RYR1: variants seen among roughly 807,000 people sequenced by gnomAD.
RYR1 encodes central core disease of muscle.
In RYR1, 342 loss-of-function variants were observed where a neutral mutation model predicts 583.5. The ratio of observed to expected loss-of-function variants is 0.59; its 90% CI spans 0.54 to 0.64. The LOEUF (loss-of-function observed/expected upper bound fraction) is 0.64, where lower values mean the gene tolerates loss of function less well. Among genes scored for constraint, RYR1 ranks in the 30% least tolerant of loss-of-function variants. The probability of loss-of-function intolerance (pLI) is 0.00; values close to 1 mark genes in which losing one functional copy is unlikely to be tolerated. For synonymous variants in RYR1, 2,791 were observed against 2,822.5 expected, an observed-to-expected ratio of 0.99 and a Z score of 0.35; for missense variants, 6,032 against 6,917.2, an observed-to-expected ratio of 0.87 and a Z score of 4.54.
chr19:38,502,998 A>T, intron 49 of RYR1, 28 bp downstream of exon 49: 1 of 1,599,582 alleles, frequency 6.3e-7, no homozygotes, highest in South Asian at 1.1e-5. Flanking sequence ...TTAGCATCTC[A>T]TTTCCAGGCC....
chr19:38,557,619 C>T (rs940467561), intron 89 of RYR1, among the ~76,000 whole-genome samples: 8 of 152,064 alleles, frequency 5.3e-5, no homozygotes, highest in African/African-American at 1.7e-4. Flanking sequence ...GGCAACATGG[C>T]GAAACCAAAC....
chr19:38,517,939 C>G lies in RYR1; in HGVS notation c.10018+248C>G, dbSNP rs180917580. ...TAGGTAACATAGCACGACCCCATCT[C>G]TTTAAAAAACAAAACAAAACTTTTT... On this transcript the variant is annotated intron_variant, in intron 66 of 105. Transcript: ENST00000359596. Among the ~76,000 whole-genome samples, 366 of 152,272 alleles carry G rather than the reference C, an allele frequency of 2.4e-3. 2 individuals are homozygous for G. The highest frequency in any genetic ancestry group is 7.6e-3 in the Admixed American group (116 of 15,282).
rs1211008134 is a variant in RYR1, at chr19:38,443,787, G to A, written c.415G>A (p.Asp139Asn). 6.2e-7 allele frequency: 1 copy of A among 1,614,036 alleles called. No individual in the cohort carries two copies. Among genetic ancestry groups the A allele is most frequent in the South Asian group, 1.1e-5 (1 of 91,092 alleles). ...GGCCTTCGATGTGGGACTGCAGGAG[G>A]ACGCAACAGGTGCAGCAGCTGGAGG... ...KLAFDVGLQE[D>N]ATGEACWWTM... is the part of the protein sequence containing the mutation. The change falls in exon 5 of 106, where the codon GAC becomes AAC. Residue 139 changes from aspartate to asparagine, a missense_variant. Coordinates refer to ENST00000359596, the MANE Select transcript of RYR1 (RefSeq NM_000540.3).
intron 47 of RYR1, among the ~76,000 whole-genome samples, chr19:38,501,993 A>T (rs1970143158): frequency 6.6e-6 from 1 of 151,440 alleles, no homozygotes; most frequent in Non-Finnish European, 1.5e-5. Context: ...CTCAGAAAAA[A>T]AAAAGAAAAA....
At position 38,469,191 on chromosome 19, in the gene RYR1, C is replaced by T. The variant is rs187986741; in HGVS notation, c.3556+51C>T. The T allele has an allele frequency of 1.6e-3, 2,656 of 1,611,144 alleles. 22 individuals are homozygous for T. In the Middle Eastern group the frequency reaches 0.038, roughly 23 times the overall value. On this transcript the variant is annotated intron_variant, in intron 26 of 105. Coordinates refer to ENST00000359596, the MANE Select transcript of RYR1 (RefSeq NM_000540.3). ...CCCTTTCTTGTTTTCCTCTGTCTCT[C>T]CCAACCCTGCACTGCCCTTCTGCCT...
At chr19:38,539,908 CAATTT>C (rs1481420456) in intron 84 of RYR1, among the ~76,000 whole-genome samples, 3 of 133,910 alleles carry the variant, frequency 2.2e-5, no homozygotes, top group Admixed American at 1.5e-4. Flanking sequence ...TAAATTAACA[CAATTT>C]AATTTAACAA....
At chr19:38,479,998 G>GC (rs1328939469) in intron 31 of RYR1, among the ~76,000 whole-genome samples, 1 of 151,978 alleles carries the variant, frequency 6.6e-6, no homozygotes, top group African/African-American at 2.4e-5. Flanking sequence ...GGGATTGCAG[G>GC]CGTGAGCCAC....
At chr19:38,510,314 A>C (rs546861354) in intron 58 of RYR1, among the ~76,000 whole-genome samples, 184 bp from the exon 59 acceptor site, 1 of 152,244 alleles carries the variant, frequency 6.6e-6, no homozygotes, top group East Asian at 1.9e-4. Flanking sequence ...AGAAAAAAAA[A>C]AGGAGTTGGG....
At chr19:38,524,755 C>T (rs1317887382) in intron 70 of RYR1, among the ~76,000 whole-genome samples, 3 of 152,206 alleles carry the variant, frequency 2.0e-5, no homozygotes, top group Admixed American at 2.0e-4. Flanking sequence ...CTTGCAACTT[C>T]TCTTGTCGCT....
At chr19:38,459,092 T>C (rs1044799450) in intron 18 of RYR1, 54 bp from the exon 19 acceptor site, 3 of 1,458,836 alleles carry the variant, frequency 2.1e-6, no homozygotes, top group Admixed American at 1.7e-5. Flanking sequence ...TCTCTTGTTA[T>C]CATTGGTTCT....
chr19:38,460,772 G>C (rs1328096696), intron 20 of RYR1, among the ~76,000 whole-genome samples, 181 bp downstream of exon 20: 1 of 152,214 alleles, frequency 6.6e-6, no homozygotes, highest in Non-Finnish European at 1.5e-5. Context: ...GAGGTCAGGA[G>C]TTCAAGACCA....
Position 38,500,466 on chromosome 19 carries a change from A to C in RYR1, c.7324-140A>C. The C allele has an allele frequency of 8.1e-7, 1 of 1,235,550 alleles. No individual in the cohort carries two copies. Among genetic ancestry groups the C allele is most frequent in the Non-Finnish European group, 1.2e-6 (1 of 865,868 alleles). 76.5% of individuals were successfully genotyped at this position (1,235,550 alleles called of 1,614,324 possible). A position where few individuals can be genotyped will look rare whatever the true frequency, so the allele number is the denominator to read the frequency against. On this transcript the variant is annotated intron_variant, in intron 45 of 105. Coordinates refer to ENST00000359596, the MANE Select transcript of RYR1 (RefSeq NM_000540.3). This position sits in a 1 kb window ranked among gnomAD's most constrained non-coding sequence, Gnocchi z 5.9. ...GGGGTGGGGGGGCACAGGCAGAGGA[A>C]CGAGGGCTGGAAACTCTAGACAGCC...
At chr19:38,568,029 A>G in intron 93 of RYR1, 112 bp downstream of exon 93, 1 of 1,290,888 alleles carries the variant, frequency 7.7e-7, no homozygotes. Context: ...GCTCGTCTCT[A>G]AGAAGAACCC....
chr19:38,497,614 AT>A (rs1308520950), intron 42 of RYR1, among the ~76,000 whole-genome samples: 19 of 152,212 alleles, frequency 1.2e-4, no homozygotes, highest in African/African-American at 4.3e-4. Context: ...CTGCTGTTAT[AT>A]TATCATTCAA....
chr19:38,494,851 CCCT>C lies in RYR1; in HGVS notation c.6548+227_6548+229del, dbSNP rs1395379426. Reference sequence around the variant, plus strand: ...TCTCAGCAGGACATTCCCCACCCCCCCCTTTTTTTTTTTTTTTGTGAGACTGAG... The same window carrying C: ...TCTCAGCAGGACATTCCCCACCCCCCTTTTTTTTTTTTTTGTGAGACTGAG... On this transcript the variant is annotated intron_variant, in intron 39 of 105. Transcript: ENST00000359596. Among the ~76,000 whole-genome samples, 5 of 142,308 alleles carry C rather than the reference CCCT, an allele frequency of 3.5e-5. No homozygotes were observed. The East Asian group carries it at 9.8e-4, about 28-fold the overall frequency. The allele number at this position is 142,308 out of a possible 152,430, so 93.4% of individuals were successfully genotyped here.
At chr19:38,532,377 C>G in intron 76 of RYR1, 113 bp from the exon 77 acceptor site, 1 of 1,028,492 alleles carries the variant, frequency 9.7e-7, no homozygotes, top group African/African-American at 1.6e-5. Context: ...CCTGCCTCAG[C>G]CTCCCAGAGT....
At position 38,580,319 on chromosome 19, in the gene RYR1, G is replaced by A. The variant is rs755725814; in HGVS notation, c.14512-51G>A. The A allele has an allele frequency of 1.8e-5, 29 of 1,603,872 alleles. No homozygotes were observed. The Admixed American group carries it at 3.0e-4, about 17-fold the overall frequency. On this transcript the variant is annotated intron_variant, in intron 100 of 105. Transcript: ENST00000359596. ...GCCAGGACCCAGCATGGGCAGGGTG[G>A]GGGGAGGGCAAGCCCAGGGCGGAGC... is the stretch of plus-strand genomic sequence containing the variant.
At chr19:38,519,563 G>T in intron 67 of RYR1, 109 bp downstream of exon 67, 1 of 1,310,648 alleles carries the variant, frequency 7.6e-7, no homozygotes. Context: ...CAATGCTCTG[G>T]CCCCACCAAC....
At chr19:38,527,159 A>C in intron 72 of RYR1, 107 bp downstream of exon 72, 1 of 1,288,286 alleles carries the variant, frequency 7.8e-7, no homozygotes, top group Non-Finnish European at 1.1e-6. Context: ...AAAGACCTCA[A>C]AGGTCAGGAG....
Sources: gnomAD v4.1 joint callset for allele counts (sites outside exome capture counted in the v4.1 genomes callset) on GRCh38, gnomAD v4.1.1 for gene constraint, Gnocchi (gnomAD v3.1) non-coding constraint, MANE v1.5 for transcripts, NCBI Gene and HGNC (gene_info 2026-07-23, HGNC 2026-07-21) for gene names.